The following ABCA13 variants were observed in gnomAD, a reference collection of about 807,000 sequenced individuals.
The protein encoded by ABCA13 is ATP binding cassette subfamily A member 13.
ABCA13 carries 476 observed loss-of-function variants against 478.7 expected under a neutral mutation model. The observed-to-expected ratio is 0.99, with a 90% CI of 0.92 to 1.07. The LOEUF is 1.07. Ranked by LOEUF, ABCA13 falls within the 50% of genes least tolerant of loss-of-function variation. The probability of loss-of-function intolerance (pLI) is 0.00; values close to 1 mark genes in which losing one functional copy is unlikely to be tolerated. For missense variants in ABCA13, 6,060 were observed against 5,910.6 expected, an observed-to-expected ratio of 1.03 and a Z score of -0.83; for synonymous variants, 2,252 against 2,158.9, an observed-to-expected ratio of 1.04 and a Z score of -1.20.
At chr7:48,514,924 ATTGAG>A (rs1220951083) in intron 51 of ABCA13, among the ~76,000 whole-genome samples, 1 of 151,840 alleles carries the variant, frequency 6.6e-6, no homozygotes, top group Non-Finnish European at 1.5e-5. Flanking sequence ...GCAGATTGCT[ATTGAG>A]TAGAGTGTCT....
intron 55 of ABCA13, among the ~76,000 whole-genome samples, chr7:48,544,007 T>C (rs372546081): frequency 2.0e-5 from 3 of 151,706 alleles, no homozygotes; most frequent in African/African-American, 7.3e-5. Context: ...TAGTAAATAA[T>C]TGAGAAGGTA....
chr7:48,534,153 T>C (rs1833418036), intron 55 of ABCA13, among the ~76,000 whole-genome samples: 1 of 151,978 alleles, frequency 6.6e-6, no homozygotes, highest in Non-Finnish European at 1.5e-5. Flanking sequence ...TAGCAGTTCT[T>C]GTAGAGTGGG....
intron 55 of ABCA13, among the ~76,000 whole-genome samples, chr7:48,555,480 A>G (rs1785723869): frequency 6.6e-6 from 1 of 151,754 alleles, no homozygotes; most frequent in African/African-American, 2.4e-5. Context: ...TTGCTGGGAT[A>G]TTTTATTATG....
intron 15 of ABCA13, among the ~76,000 whole-genome samples, chr7:48,265,989 T>C (rs1794821063): frequency 6.6e-6 from 1 of 151,766 alleles, no homozygotes; most frequent in Non-Finnish European, 1.5e-5. Context: ...ATTTGTCAAA[T>C]GTTTTTCTGC....
intron 42 of ABCA13, among the ~76,000 whole-genome samples, chr7:48,454,509 G>A (rs1210720314): frequency 6.6e-6 from 1 of 152,222 alleles, no homozygotes; most frequent in African/African-American, 2.4e-5. Context: ...GAGCAGGGAA[G>A]CGGGAGCAGG....
chr7:48,307,065 T>A (rs1314462210), intron 23 of ABCA13, among the ~76,000 whole-genome samples: 1 of 152,272 alleles, frequency 6.6e-6, no homozygotes, highest in Non-Finnish European at 1.5e-5. Flanking sequence ...CCCTGCAGAT[T>A]TTGGGCTTGC....
chr7:48,385,081 A>G (rs936340065), intron 35 of ABCA13, among the ~76,000 whole-genome samples: 2 of 152,190 alleles, frequency 1.3e-5, no homozygotes, highest in Non-Finnish European at 2.9e-5. Context: ...TCAGCCCACA[A>G]AGAAAAGTCA....
intron 19 of ABCA13, among the ~76,000 whole-genome samples, chr7:48,284,250 T>A (rs1292140137): frequency 6.6e-6 from 1 of 151,984 alleles, no homozygotes; most frequent in Non-Finnish European, 1.5e-5. Flanking sequence ...GGAAAAGGAG[T>A]AAGAAACAGA....
intron 19 of ABCA13, among the ~76,000 whole-genome samples, chr7:48,287,214 T>C (rs1797888803): frequency 1.3e-5 from 2 of 152,214 alleles, no homozygotes. Flanking sequence ...AGGGCATGAC[T>C]GCAGAGAGGT....
intron 59 of ABCA13, among the ~76,000 whole-genome samples, chr7:48,625,200 G>GGCA: frequency 6.6e-6 from 1 of 152,328 alleles, no homozygotes; most frequent in South Asian, 2.1e-4. Flanking sequence ...GACACCATAT[G>GGCA]CTTTAGTGTG....
At chr7:48,379,774 A>C (rs116875557) in intron 35 of ABCA13, among the ~76,000 whole-genome samples, 171 of 152,364 alleles carry the variant, frequency 1.1e-3, no homozygotes, top group Non-Finnish European at 7.9e-4. Flanking sequence ...CGTGGGAAGA[A>C]ATATTATACA....
chr7:48,479,397 C>A (rs947574804), intron 45 of ABCA13, among the ~76,000 whole-genome samples: 1 of 151,996 alleles, frequency 6.6e-6, no homozygotes, highest in Non-Finnish European at 1.5e-5. Flanking sequence ...GCTACCACGC[C>A]CTGCTAATTT....
In ABCA13 at chr7:48,483,067, T is replaced by A; in HGVS notation, c.13095-9T>A. On this transcript the variant is annotated splice_polypyrimidine_tract_variant and intron_variant, in intron 46 of 61. Coordinates refer to ENST00000435803, the MANE Select transcript of ABCA13 (RefSeq NM_152701.5). ...GTTGAAGCACTAACACAATGTTCAT[T>A]GTTAACAGGCTTGGAGGTTGGTCTT... The A allele has an allele frequency of 6.2e-7, 1 of 1,606,406 alleles. No homozygotes were observed.
chr7:48,191,438 T>C (rs1210827297), intron 1 of ABCA13, among the ~76,000 whole-genome samples: 1 of 152,258 alleles, frequency 6.6e-6, no homozygotes, highest in Non-Finnish European at 1.5e-5. Flanking sequence ...AGTCTCGCTC[T>C]GTTGCCAGGC....
At chr7:48,353,209 C>T (rs1474807417) in intron 31 of ABCA13, among the ~76,000 whole-genome samples, 3 of 151,714 alleles carry the variant, frequency 2.0e-5, no homozygotes, top group African/African-American at 7.3e-5. Flanking sequence ...CTCACCAAAG[C>T]GGGGTGAGCC....
At chr7:48,350,621 C>A in intron 29 of ABCA13, 22 bp from the exon 30 acceptor site, 1 of 1,603,140 alleles carries the variant, frequency 6.2e-7, no homozygotes, top group Non-Finnish European at 8.5e-7. Context: ...TTGATGTGTC[C>A]TAATCTGTTC....
chr7:48,365,792 A>G (rs927893354), intron 31 of ABCA13, among the ~76,000 whole-genome samples: 2 of 152,196 alleles, frequency 1.3e-5, no homozygotes, highest in East Asian at 1.9e-4. Context: ...GTTTTTAACC[A>G]AAGAAGTGAA....
chr7:48,612,544 A>G (rs1260819859), intron 58 of ABCA13, among the ~76,000 whole-genome samples: 1 of 152,164 alleles, frequency 6.6e-6, no homozygotes, highest in Non-Finnish European at 1.5e-5. Flanking sequence ...TTGTCATTTT[A>G]CCATTGCTAT....
intron 10 of ABCA13, 136 bp from the exon 11 acceptor site, chr7:48,244,440 T>G (rs748359581): frequency 9.4e-7 from 1 of 1,062,354 alleles, no homozygotes; most frequent in Non-Finnish European, 1.3e-6. Flanking sequence ...GGTTGTGTGA[T>G]GAAGTGTGAC....
Sources: allele counts gnomAD v4.1 joint callset (sites outside exome capture counted in the v4.1 genomes callset), GRCh38; gene constraint gnomAD v4.1.1; transcripts MANE v1.5; gene names NCBI Gene and HGNC (gene_info 2026-07-23, HGNC 2026-07-21).